Variants in AGBL4 observed in about 807,000 individuals in gnomAD.
AGBL4 encodes cytosolic carboxypeptidase 6.
A neutral mutation model predicts 66.4 loss-of-function variants in AGBL4; 58 were observed. The ratio of observed to expected loss-of-function variants is 0.87; its 90% CI spans 0.71 to 1.09. The LOEUF (loss-of-function observed/expected upper bound fraction) is 1.09, where lower values mean the gene tolerates loss of function less well. AGBL4 is among the 50% of genes least tolerant of loss of function. AGBL4 has a pLI of 0.00. For missense variants in AGBL4, 579 were observed against 631.0 expected (o/e 0.92, Z 0.88); for synonymous variants, 234 against 222.9 (o/e 1.05, Z -0.44).
At chr1:48,985,041 A>C (rs535997232) in intron 5 of AGBL4, among the ~76,000 whole-genome samples, 1 of 152,262 alleles carries the variant, frequency 6.6e-6, no homozygotes, top group South Asian at 2.1e-4. Context: ...AAAGAATAAC[A>C]GTTTGGATTT....
chr1:49,263,076 G>A (rs549478191), intron 3 of AGBL4, among the ~76,000 whole-genome samples: 4 of 150,830 alleles, frequency 2.7e-5, no homozygotes, highest in Admixed American at 6.6e-5. Flanking sequence ...AACACCGCAT[G>A]TTCTCACTCA....
At chr1:49,464,567 C>T (rs977972542) in intron 3 of AGBL4, among the ~76,000 whole-genome samples, 20 of 151,798 alleles carry the variant, frequency 1.3e-4, no homozygotes, top group African/African-American at 4.3e-4. Context: ...AACACAAAGG[C>T]GACTTTAACA....
At chr1:49,380,837 A>AC (rs1231085319) in intron 3 of AGBL4, among the ~76,000 whole-genome samples, 3 of 152,194 alleles carry the variant, frequency 2.0e-5, no homozygotes, top group Non-Finnish European at 2.9e-5. Flanking sequence ...CTTATACAAA[A>AC]ATTAATTCAA....
intron 3 of AGBL4, among the ~76,000 whole-genome samples, chr1:49,343,446 T>C (rs1322063205): frequency 2.6e-5 from 4 of 152,130 alleles, no homozygotes; most frequent in African/African-American, 9.7e-5. Flanking sequence ...CTAATGGAAG[T>C]TATGGAGGGG....
chr1:49,027,539 T>A (rs1294355201), intron 5 of AGBL4, among the ~76,000 whole-genome samples: 1 of 152,066 alleles, frequency 6.6e-6, no homozygotes, highest in Non-Finnish European at 1.5e-5. Flanking sequence ...ATTCCCACCC[T>A]CTAACTCAGT....
intron 3 of AGBL4, among the ~76,000 whole-genome samples, chr1:49,579,326 T>C (rs959907477): frequency 6.6e-6 from 1 of 152,220 alleles, no homozygotes; most frequent in African/African-American, 2.4e-5. Context: ...TAAATTTCCA[T>C]GTATTTGTAT....
At chr1:49,841,378 A>C (rs1645984727) in intron 2 of AGBL4, among the ~76,000 whole-genome samples, 1 of 152,344 alleles carries the variant, frequency 6.6e-6, no homozygotes, top group South Asian at 2.1e-4. Flanking sequence ...TACCATGCTC[A>C]TTGATTGGAA....
intron 2 of AGBL4, among the ~76,000 whole-genome samples, chr1:49,787,079 A>G (rs1367904535): frequency 6.6e-6 from 1 of 152,206 alleles, no homozygotes; most frequent in African/African-American, 2.4e-5. Context: ...TGTAACAGTG[A>G]AACAGGGGAT....
chr1:49,899,823 T>G (rs942583090), intron 1 of AGBL4, among the ~76,000 whole-genome samples: 1 of 152,082 alleles, frequency 6.6e-6, no homozygotes, highest in African/African-American at 2.4e-5. Flanking sequence ...AGCAGATCAC[T>G]TGAGGTCAGC....
chr1:49,995,885 GGACTCTT>G (rs1200940190), intron 1 of AGBL4: 1 of 152,430 alleles, frequency 6.6e-6, no homozygotes, highest in Non-Finnish European at 1.5e-5. Context: ...TCATATCACA[GGACTCTT>G]TGCAGACACT....
intron 5 of AGBL4, among the ~76,000 whole-genome samples, chr1:48,914,248 G>A (rs1236002333): frequency 6.6e-6 from 1 of 152,132 alleles, no homozygotes; most frequent in Non-Finnish European, 1.5e-5. Flanking sequence ...AGATAGAAGG[G>A]CACTCAGCAG....
At chr1:49,675,647 T>G (rs1646564129) in intron 3 of AGBL4, among the ~76,000 whole-genome samples, 1 of 152,022 alleles carries the variant, frequency 6.6e-6, no homozygotes, top group Admixed American at 6.6e-5. Flanking sequence ...AACAAAAGGC[T>G]CAGAAAAGCC....
At chr1:48,611,131 T>TAG (rs967857059) in intron 9 of AGBL4, among the ~76,000 whole-genome samples, 1 of 152,246 alleles carries the variant, frequency 6.6e-6, no homozygotes, top group Non-Finnish European at 1.5e-5. Flanking sequence ...GCTGCCCTGA[T>TAG]ATCTGTTTGT....
intron 3 of AGBL4, among the ~76,000 whole-genome samples, chr1:49,518,992 A>G (rs986942806): frequency 6.6e-6 from 1 of 152,080 alleles, no homozygotes; most frequent in African/African-American, 2.4e-5. Flanking sequence ...TCTTACAAAG[A>G]GGTTTATACA....
chr1:49,534,484 T>G (rs1391397988), intron 3 of AGBL4, among the ~76,000 whole-genome samples: 5 of 152,174 alleles, frequency 3.3e-5, no homozygotes, highest in Admixed American at 2.6e-4. Flanking sequence ...AGAAAACACT[T>G]TCTCTGAGAG....
chr1:48,776,484 A>G, intron 6 of AGBL4: 2 of 720,746 alleles, frequency 2.8e-6, no homozygotes, highest in Non-Finnish European at 4.1e-6. Flanking sequence ...AGAGGACGGG[A>G]GAAGGAGGCA....
chr1:48,845,785 GA>G (rs1044225166), intron 6 of AGBL4, among the ~76,000 whole-genome samples: 1 of 152,182 alleles, frequency 6.6e-6, no homozygotes, highest in African/African-American at 2.4e-5. Context: ...TACAGGCCAT[GA>G]AACTTTGGGC....
chr1:49,890,965 T>C (rs1648585720), intron 1 of AGBL4, among the ~76,000 whole-genome samples: 1 of 152,168 alleles, frequency 6.6e-6, no homozygotes, highest in African/African-American at 2.4e-5. Context: ...TGACAGGTAG[T>C]AAAATGTGCT....
chr1:49,420,003 C>A (rs940015611), intron 3 of AGBL4, among the ~76,000 whole-genome samples: 1 of 152,170 alleles, frequency 6.6e-6, no homozygotes, highest in African/African-American at 2.4e-5. Context: ...GAACCAGGAT[C>A]TGTGTTTTAA....
Sources: allele counts gnomAD v4.1 joint callset (sites outside exome capture counted in the v4.1 genomes callset), GRCh38; gene constraint gnomAD v4.1.1; transcripts MANE v1.5; gene names NCBI Gene and HGNC (gene_info 2026-07-23, HGNC 2026-07-21).